BRSK2: variants seen among roughly 807,000 people sequenced by gnomAD.
The protein encoded by BRSK2 is BR serine/threonine kinase 2, also known as serine/threonine-protein kinase BRSK2.
BRSK2 carries 19 observed loss-of-function variants against 83.3 expected under a neutral mutation model. The ratio of observed to expected loss-of-function variants is 0.23; its 90% confidence interval spans 0.16 to 0.33. BRSK2 has a LOEUF of 0.33. BRSK2 is among the 10% of genes least tolerant of loss of function. The pLI, the probability that BRSK2 is intolerant of heterozygous loss-of-function variation, is 1.00. For missense variants in BRSK2, 798 were observed against 1,042.3 expected (o/e 0.77, Z 3.23); for synonymous variants, 519 against 435.4 (o/e 1.19, Z -2.39).
intron 1 of BRSK2, among the ~76,000 whole-genome samples, chr11:1,416,985 C>T (rs908336780): frequency 6.6e-6 from 1 of 152,042 alleles, no homozygotes; most frequent in Non-Finnish European, 1.5e-5. Flanking sequence ...ATGGTGAAAC[C>T]CCATCTCTAC....
chr11:1,414,526 G>A (rs1847889920), intron 1 of BRSK2, among the ~76,000 whole-genome samples: 1 of 152,258 alleles, frequency 6.6e-6, no homozygotes, highest in Admixed American at 6.5e-5. Context: ...GGCCAAGGAA[G>A]ATTTGTGTTT....
In BRSK2 at chr11:1,449,745, G is replaced by A. The variant is rs1321799808; in HGVS notation, c.1227-31G>A. ...CCTGCTGCTCCACTGCCCCCTGGCT[G>A]AGCAGTGGCCCTGTACCTTGTGACC... is the stretch of plus-strand genomic sequence containing the variant. On this transcript the variant is annotated intron_variant, in intron 12 of 19. Coordinates refer to ENST00000528841, the MANE Select transcript of BRSK2 (RefSeq NM_001256627.2). 3 of 1,598,626 alleles carry A rather than the reference G, an allele frequency of 1.9e-6. No homozygotes were observed. In the Admixed American group the frequency reaches 5.1e-5, roughly 27 times the overall value.
intron 1 of BRSK2, among the ~76,000 whole-genome samples, chr11:1,399,422 G>A (rs988931075): frequency 2.6e-5 from 4 of 152,192 alleles, no homozygotes; most frequent in Non-Finnish European, 5.9e-5. Context: ...GGATGCCCGA[G>A]GGTGGGGAGA....
chr11:1,446,153 G>A (rs1167653935), intron 12 of BRSK2, among the ~76,000 whole-genome samples: 5 of 149,858 alleles, frequency 3.3e-5, no homozygotes, highest in African/African-American at 1.2e-4. Context: ...GACTGGGCTA[G>A]GCTGAGCTGG....
intron 18 of BRSK2, among the ~76,000 whole-genome samples, chr11:1,457,537 C>T (rs1212811714): frequency 3.3e-5 from 5 of 152,202 alleles, no homozygotes; most frequent in Admixed American, 1.3e-4. Flanking sequence ...GGGCGGAGCA[C>T]TGGGCACATG....
chr11:1,451,979 C>T (rs1590660924), intron 15 of BRSK2, among the ~76,000 whole-genome samples: 1 of 152,068 alleles, frequency 6.6e-6, no homozygotes, highest in Non-Finnish European at 1.5e-5. Flanking sequence ...CTTCCCAGCG[C>T]CCAGGCCCTC....
chr11:1,457,530 C>T (rs964990118), intron 18 of BRSK2, among the ~76,000 whole-genome samples: 5 of 152,114 alleles, frequency 3.3e-5, no homozygotes, highest in East Asian at 1.9e-4. Flanking sequence ...GGGGGCAGGG[C>T]GGAGCACTGG....
rs750251894 is a variant in BRSK2, at chr11:1,450,691, C to T, written c.1392C>T (p.Pro464=). 5.6e-6 allele frequency: 9 copies of T among 1,608,934 alleles called. No homozygotes were observed. Among genetic ancestry groups the T allele is most frequent in the South Asian group, 1.1e-5 (1 of 90,664 alleles). The part of the protein sequence containing the change: ...ESPAGTPNPT[P]PSSPSVGGVP... Reference sequence around the variant, plus strand: ...CGGCTGGCACGCCCAACCCCACGCCCCCGTCCAGCCCCAGCGTCGGAGGGG... The same window carrying T: ...CGGCTGGCACGCCCAACCCCACGCCTCCGTCCAGCCCCAGCGTCGGAGGGG... Residue 464 remains proline, a synonymous_variant, in exon 14 of 20, where the codon CCC becomes CCT. Transcript: ENST00000528841.
chr11:1,395,014 T>C (rs1025280990), intron 1 of BRSK2, among the ~76,000 whole-genome samples: 1 of 151,966 alleles, frequency 6.6e-6, no homozygotes, highest in African/African-American at 2.4e-5. Context: ...GGAGATGGGC[T>C]GTGCAGGGCT....
intron 1 of BRSK2, among the ~76,000 whole-genome samples, chr11:1,418,544 T>G (rs1049612405): frequency 8.1e-5 from 12 of 148,520 alleles, no homozygotes; most frequent in Admixed American, 6.7e-5. Flanking sequence ...CTGCTTCTGT[T>G]GGCTGTTTCT....
chr11:1,445,516 G>A lies in BRSK2; in HGVS notation c.978-55G>A, dbSNP rs746200046. 4.6e-4 allele frequency: 735 copies of A among 1,603,822 alleles called. 2 individuals carry two copies. The highest frequency in any genetic ancestry group is 6.0e-4 in the Admixed American group (35 of 58,572). ...GGGCCTGAGGTGGGAGCGCTGCCCCGGAGGAGCCGGCGGCCCCGTGTGCCA... is the reference window on the plus strand; with the variant it reads ...GGGCCTGAGGTGGGAGCGCTGCCCCAGAGGAGCCGGCGGCCCCGTGTGCCA... On this transcript the variant is annotated intron_variant, in intron 10 of 19. Coordinates refer to ENST00000528841, the MANE Select transcript of BRSK2 (RefSeq NM_001256627.2).
intron 12 of BRSK2, chr11:1,447,677 T>G: frequency 1.1e-6 from 1 of 881,792 alleles, no homozygotes; most frequent in Non-Finnish European, 1.8e-6. Flanking sequence ...TCTCGCCATC[T>G]TTGTGCAGCG....
chr11:1,413,018 G>T (rs1847709850), intron 1 of BRSK2, among the ~76,000 whole-genome samples: 1 of 152,178 alleles, frequency 6.6e-6, no homozygotes, highest in East Asian at 1.9e-4. Flanking sequence ...GGCACCCCAG[G>T]CCCTGGCCTC....
chr11:1,446,250 G>A (rs186431999), intron 12 of BRSK2, among the ~76,000 whole-genome samples: 114 of 142,600 alleles, frequency 8.0e-4, no homozygotes, highest in African/African-American at 2.9e-3. Context: ...CTGCGCGGCT[G>A]AGCAGGGTTG....
At chr11:1,455,914 CCAGCAGGAGGGCA>C (rs1846467312) in intron 16 of BRSK2, among the ~76,000 whole-genome samples, 1 of 149,842 alleles carries the variant, frequency 6.7e-6, no homozygotes, top group Non-Finnish European at 1.5e-5. Flanking sequence ...CCAGGAAGCC[CCAGCAGGAGGGCA>C]CAGCCCCAGC....
At chr11:1,406,367 G>T (rs956035370) in intron 1 of BRSK2, among the ~76,000 whole-genome samples, 1 of 152,250 alleles carries the variant, frequency 6.6e-6, no homozygotes, top group African/African-American at 2.4e-5. Context: ...AGCTACTGGG[G>T]AGGCTGAGGC....
At chr11:1,440,167 C>T (rs944387064) in intron 3 of BRSK2, among the ~76,000 whole-genome samples, 1 of 152,206 alleles carries the variant, frequency 6.6e-6, no homozygotes, top group African/African-American at 2.4e-5. Flanking sequence ...TCCCACGGGC[C>T]TCTCACCAGG....
intron 1 of BRSK2, among the ~76,000 whole-genome samples, chr11:1,393,165 G>C (rs1319644206): frequency 6.6e-6 from 1 of 152,238 alleles, no homozygotes; most frequent in Non-Finnish European, 1.5e-5. Context: ...AACCATGGAG[G>C]TTGGAGGGCG....
intron 1 of BRSK2, among the ~76,000 whole-genome samples, chr11:1,433,189 T>C (rs1849820533): frequency 1.3e-5 from 2 of 152,268 alleles, no homozygotes; most frequent in South Asian, 4.1e-4. Flanking sequence ...CCTTGGTGGC[T>C]GTGCCCTAAT....
Sources: allele counts gnomAD v4.1 joint callset (sites outside exome capture counted in the v4.1 genomes callset), GRCh38; gene constraint gnomAD v4.1.1; transcripts MANE v1.5; gene names NCBI Gene and HGNC (gene_info 2026-07-23, HGNC 2026-07-21).